Variants in ARL5A observed in about 807,000 individuals in gnomAD.
ARL5A encodes ARF like GTPase 5A, also known as ADP-ribosylation factor-like protein 5A.
In ARL5A, 18 loss-of-function variants were observed where a neutral mutation model predicts 25.9. That is an observed-to-expected ratio of 0.69 (90% CI 0.48 to 1.03). The LOEUF is 1.03. Ranked by LOEUF, ARL5A falls within the 50% of genes least tolerant of loss-of-function variation. The pLI is 0.00. For synonymous variants in ARL5A, 61 were observed against 67.5 expected (o/e 0.90, Z 0.47); for missense variants, 170 against 211.9 (o/e 0.80, Z 1.23).
intron 4 of ARL5A, among the ~76,000 whole-genome samples, chr2:151,809,847 T>G (rs2099830593): frequency 6.6e-6 from 1 of 152,310 alleles, no homozygotes; most frequent in African/African-American, 2.4e-5. Context: ...TTTGGGAGGC[T>G]GAGGCGGGCA....
chr2:151,814,729 A>AAT lies in ARL5A; in HGVS notation c.107+408_107+409dup, dbSNP rs200264271. Among the ~76,000 whole-genome samples the AAT allele has an allele frequency of 8.8e-3, 1,337 of 151,602 alleles. 22 individuals carry two copies. The highest frequency in any genetic ancestry group is 0.03 in the African/African-American group (1,258 of 41,354). ...CACCACTACATCCAGCTAATTTTAA[A>AAT]ATATATATATATTCATATATATCTT... On this transcript the variant is annotated intron_variant, in intron 2 of 5. Transcript: ENST00000295087.
intron 3 of ARL5A, among the ~76,000 whole-genome samples, chr2:151,813,430 C>T (rs1024857845): frequency 2.6e-5 from 4 of 152,142 alleles, no homozygotes; most frequent in Admixed American, 2.6e-4. Flanking sequence ...AAACCTATAG[C>T]ATATGTATAC....
In ARL5A at chr2:151,802,056, A is replaced by G. The variant is rs1408348532; in HGVS notation, c.*1220T>C. The G allele has an allele frequency of 1.3e-5, 2 of 152,142 alleles. No individual in the cohort carries two copies. The highest frequency in any genetic ancestry group is 2.9e-5 in the Non-Finnish European group (2 of 67,966). 9.4% of individuals were successfully genotyped at this position (152,142 alleles called of 1,614,324 possible). Reference sequence around the variant, plus strand: ...AAGCCAAATTCTTAAAATCATTCAAAAAACACTTGCATTTTATAATTGTCA... The same window carrying G: ...AAGCCAAATTCTTAAAATCATTCAAGAAACACTTGCATTTTATAATTGTCA... On this transcript the variant is annotated 3_prime_UTR_variant, in exon 6 of 6. Coordinates refer to ENST00000295087, the MANE Select transcript of ARL5A (RefSeq NM_012097.4).
intron 3 of ARL5A, 44 bp from the exon 4 acceptor site, chr2:151,812,484 T>G: frequency 3.1e-6 from 4 of 1,307,838 alleles, no homozygotes; most frequent in Non-Finnish European, 4.2e-6. Flanking sequence ...TACAATTTGG[T>G]ATCTGTAAAA....
At chr2:151,826,516 C>A (rs1025772326) in intron 1 of ARL5A, among the ~76,000 whole-genome samples, 2 of 152,168 alleles carry the variant, frequency 1.3e-5, no homozygotes, top group African/African-American at 4.8e-5. Context: ...GGTGATAACT[C>A]TTTTTCTGGC....
intron 1 of ARL5A, among the ~76,000 whole-genome samples, chr2:151,826,261 T>G (rs2099833039): frequency 6.6e-6 from 1 of 152,248 alleles, no homozygotes; most frequent in African/African-American, 2.4e-5. Context: ...TTCACAATAT[T>G]CATATCTAAT....
rs1031275028 is a variant in ARL5A at position 151,814,023 on chromosome 2, G to A, written c.255+146C>T. The A allele has an allele frequency of 3.1e-5, 20 of 644,930 alleles. No homozygotes were observed. The African/African-American group carries it at 3.6e-4, about 12-fold the overall frequency. 40.0% of individuals were successfully genotyped at this position (644,930 alleles called of 1,614,324 possible). ...GTGGACATATTGAACAATGACCTTG[G>A]AATAGGAAATCAGATTTTACTCTGC... On this transcript the variant is annotated intron_variant, in intron 3 of 5. Coordinates refer to ENST00000295087, the MANE Select transcript of ARL5A (RefSeq NM_012097.4).
At chr2:151,806,737 T>C (rs1275987840) in intron 5 of ARL5A, 84 bp downstream of exon 5, 6 of 1,376,432 alleles carry the variant, frequency 4.4e-6, no homozygotes, top group Non-Finnish European at 5.9e-6. Flanking sequence ...CACAATAGCC[T>C]TAAATATTTA....
rs141016014 is a variant in ARL5A at position 151,827,102 on chromosome 2, T to C, written c.46+1029A>G. Among the ~76,000 whole-genome samples, 133 of 152,332 alleles carry C rather than the reference T, an allele frequency of 8.7e-4. 3 individuals are homozygous for C. The East Asian group carries it at 0.024, about 27-fold the overall frequency. On this transcript the variant is annotated intron_variant, in intron 1 of 5. Transcript: ENST00000295087. ...AAGTCTTTATTGGAAAACTGGGACG[T>C]GACACCATCAGCTTACACAACAGAA...
rs537698350 is a variant in ARL5A, at chr2:151,824,724, C to T, written c.46+3407G>A. ...TCCTTCTTATACAAAGTCCTTCTTA[C>T]ACGAAGTTGTGTGCAAATGTGCGTG... On this transcript the variant is annotated intron_variant, in intron 1 of 5. Coordinates refer to ENST00000295087, the MANE Select transcript of ARL5A (RefSeq NM_012097.4). 3.9e-5 allele frequency among the ~76,000 whole-genome samples: 6 copies of T among 152,300 alleles called. No homozygotes were observed. In the East Asian group the frequency reaches 1.2e-3, roughly 29 times the overall value.
rs766187914 is a variant in ARL5A at position 151,803,247 on chromosome 2, C to T, written c.*29G>A. 89 of 1,583,162 alleles carry T rather than the reference C, an allele frequency of 5.6e-5. No individual in the cohort carries two copies. The highest frequency in any genetic ancestry group is 2.5e-4 in the Admixed American group (15 of 59,398). On this transcript the variant is annotated 3_prime_UTR_variant, in exon 6 of 6. Transcript: ENST00000295087. Reference sequence around the variant, plus strand: ...GGTAAAGTCCAGCACTTCATTTATACAAAATCTATGAGAAGAGGTCAGTAG... The same window carrying T: ...GGTAAAGTCCAGCACTTCATTTATATAAAATCTATGAGAAGAGGTCAGTAG...
intron 4 of ARL5A, 42 bp downstream of exon 4, chr2:151,812,315 A>C: frequency 5.1e-6 from 7 of 1,372,926 alleles, no homozygotes; most frequent in Non-Finnish European, 7.1e-6. Context: ...ATCGATTCCC[A>C]TACCCTTCCC....
chr2:151,828,227 C>G lies in ARL5A; in HGVS notation c.-51G>C. The G allele has an allele frequency of 1.3e-6, 2 of 1,572,044 alleles. No homozygotes were observed. Among genetic ancestry groups the G allele is most frequent in the Non-Finnish European group, 8.7e-7 (1 of 1,146,726 alleles). On this transcript the variant is annotated 5_prime_UTR_variant, in exon 1 of 6. Coordinates refer to ENST00000295087, the MANE Select transcript of ARL5A (RefSeq NM_012097.4). ...CAGACACCCGGGCCGCCTGGCTTCC[C>G]CCGGCTCAGGCTGAGGGGGAGGAGA...
At chr2:151,824,478 CTAATAA>C (rs61097162) in intron 1 of ARL5A, among the ~76,000 whole-genome samples, 61 of 150,424 alleles carry the variant, frequency 4.1e-4, no homozygotes, top group Admixed American at 1.1e-3. Context: ...TTTAAACTCC[CTAATAA>C]TAATAATAAT....
Position 151,800,637 on chromosome 2 carries a change from T to C in ARL5A, c.*2639A>G, listed in dbSNP as rs559522037. The C allele has an allele frequency of 6.6e-6, 1 of 152,280 alleles. No individual in the cohort carries two copies. The highest frequency in any genetic ancestry group is 2.4e-5 in the African/African-American group (1 of 41,574). 9.4% of individuals were successfully genotyped at this position (152,280 alleles called of 1,614,324 possible). A position where few individuals can be genotyped will look rare whatever the true frequency, so the allele number is the denominator to read the frequency against. ...GCCCATTATGAGGACCAAGAGGTAC[T>C]GGGAAGATAAAGAGAACTGAAAATT... On this transcript the variant is annotated 3_prime_UTR_variant, in exon 6 of 6. Transcript: ENST00000295087.
intron 4 of ARL5A, among the ~76,000 whole-genome samples, chr2:151,809,438 G>A (rs1014083284): frequency 1.3e-5 from 2 of 152,160 alleles, no homozygotes; most frequent in Non-Finnish European, 2.9e-5. Flanking sequence ...TAGAGTTCTT[G>A]ACTTCTAAGA....
chr2:151,821,623 T>C (rs1418108843), intron 1 of ARL5A, among the ~76,000 whole-genome samples: 1 of 152,204 alleles, frequency 6.6e-6, no homozygotes, highest in Non-Finnish European at 1.5e-5. Context: ...AATGACTTTT[T>C]TGAGACGCAG....
chr2:151,813,079 C>T (rs924989965), intron 3 of ARL5A, among the ~76,000 whole-genome samples: 1 of 152,118 alleles, frequency 6.6e-6, no homozygotes, highest in African/African-American at 2.4e-5. Context: ...ACTCCGTGAG[C>T]ACCCAAAAGC....
At chr2:151,808,339 A>G (rs924766273) in intron 4 of ARL5A, among the ~76,000 whole-genome samples, 1 of 152,240 alleles carries the variant, frequency 6.6e-6, no homozygotes, top group African/African-American at 2.4e-5. Flanking sequence ...GTTTGAATAA[A>G]TAAAATCTTC....
Sources: gnomAD v4.1 joint callset for allele counts (sites outside exome capture counted in the v4.1 genomes callset) on GRCh38, gnomAD v4.1.1 for gene constraint, MANE v1.5 for transcripts, NCBI Gene and HGNC (gene_info 2026-07-23, HGNC 2026-07-21) for gene names.